Variants in ATXN2 observed in about 807,000 individuals in gnomAD.
ATXN2 encodes ataxin-2.
In ATXN2, 37 loss-of-function variants were observed where a neutral mutation model predicts 138.6. The ratio of observed to expected loss-of-function variants is 0.27; its 90% confidence interval spans 0.21 to 0.35. ATXN2 has a LOEUF of 0.35. Ranked by LOEUF, ATXN2 falls within the 10% of genes least tolerant of loss-of-function variation. ATXN2 has a pLI of 1.00. For synonymous variants in ATXN2, 549 were observed against 543.7 expected (o/e 1.01, Z -0.13); for missense variants, 1,216 against 1,480.3 (o/e 0.82, Z 2.93).
intron 15 of ATXN2, 81 bp from the exon 16 acceptor site, chr12:111,486,905 A>C: frequency 8.6e-7 from 1 of 1,167,392 alleles, no homozygotes; most frequent in Non-Finnish European, 1.2e-6. Flanking sequence ...AATTTAAAAA[A>C]AATTGCTAAA....
In ATXN2 at chr12:111,598,675, C is replaced by G. The variant is rs1198628578; in HGVS notation, c.251+109G>C. On this transcript the variant is annotated intron_variant, in intron 1 of 24. Coordinates refer to ENST00000673436, the MANE Select transcript of ATXN2 (RefSeq NM_001372574.1). This position sits in a 1 kb window ranked among gnomAD's most constrained non-coding sequence, Gnocchi z 4.5. The stretch of plus-strand genomic sequence containing the variant: ...GAGTCTCCCCCGCGCTGCCGGCCCC[C>G]AGCCCACCCCGGGTAGCCCGGCGGG... 28 of 886,600 alleles carry G rather than the reference C, an allele frequency of 3.2e-5. No individual in the cohort carries two copies. The highest frequency in any genetic ancestry group is 3.7e-5 in the Non-Finnish European group (27 of 729,946). 54.9% of individuals were successfully genotyped at this position (886,600 alleles called of 1,614,324 possible). A position where few individuals can be genotyped will look rare whatever the true frequency, so the allele number is the denominator to read the frequency against.
At chr12:111,463,063 A>C (rs1875713794) in intron 21 of ATXN2, among the ~76,000 whole-genome samples, 1 of 152,100 alleles carries the variant, frequency 6.6e-6, no homozygotes, top group African/African-American at 2.4e-5. Context: ...ATAATTAACA[A>C]AGATTTAAGG....
chr12:111,515,237 G>A (rs1192957777), intron 10 of ATXN2, among the ~76,000 whole-genome samples: 4 of 152,038 alleles, frequency 2.6e-5, no homozygotes, highest in African/African-American at 7.2e-5. Context: ...CATTTTGTGC[G>A]GAAAACTTTA....
chr12:111,559,189 G>C (rs991231846), intron 1 of ATXN2, among the ~76,000 whole-genome samples: 3 of 150,630 alleles, frequency 2.0e-5, no homozygotes, highest in African/African-American at 7.3e-5. Flanking sequence ...CTGGAGTGCA[G>C]TGGCACGATC....
chr12:111,487,498 T>C lies in ATXN2; in HGVS notation c.2241-674A>G, dbSNP rs1877722528. Among the ~76,000 whole-genome samples, 3 of 152,086 alleles carry C rather than the reference T, an allele frequency of 2.0e-5. No homozygotes were observed. In the South Asian group the frequency reaches 6.2e-4, roughly 32 times the overall value. ...ATTTTTGAGACAGAGTCTCGCTCTG[T>C]CACCCAGGCTGGAGTGCAGTGGCAT... On this transcript the variant is annotated intron_variant, in intron 15 of 24. Transcript: ENST00000673436.
At chr12:111,473,641 C>G (rs534950457) in intron 18 of ATXN2, among the ~76,000 whole-genome samples, 5 of 151,896 alleles carry the variant, frequency 3.3e-5, no homozygotes, top group African/African-American at 7.3e-5. Context: ...AATTAAGGCG[C>G]TAAAGGGACA....
intron 1 of ATXN2, among the ~76,000 whole-genome samples, chr12:111,571,140 T>C (rs1883289372): frequency 1.3e-5 from 2 of 152,226 alleles, no homozygotes; most frequent in Non-Finnish European, 2.9e-5. Flanking sequence ...TCACGAAGTA[T>C]GAAGGAGCAG....
chr12:111,520,370 C>T (rs754836609), intron 7 of ATXN2, among the ~76,000 whole-genome samples: 18 of 152,004 alleles, frequency 1.2e-4, no homozygotes, highest in Non-Finnish European at 4.4e-5. Flanking sequence ...AAGACAAAAC[C>T]GGCCAGGCAC....
intron 5 of ATXN2, among the ~76,000 whole-genome samples, chr12:111,540,603 A>ACATT (rs1881446234): frequency 6.6e-6 from 1 of 150,448 alleles, no homozygotes; most frequent in African/African-American, 2.4e-5. Context: ...ACCTTTTCAT[A>ACATT]CATTCACTGG....
intron 1 of ATXN2, among the ~76,000 whole-genome samples, chr12:111,559,178 G>A (rs1258572994): frequency 6.6e-6 from 1 of 151,076 alleles, no homozygotes; most frequent in African/African-American, 2.4e-5. Flanking sequence ...CTGTCGCCAG[G>A]CTGGAGTGCA....
At chr12:111,560,233 C>A (rs748456748) in intron 1 of ATXN2, among the ~76,000 whole-genome samples, 3 of 152,020 alleles carry the variant, frequency 2.0e-5, no homozygotes, top group Non-Finnish European at 4.4e-5. Flanking sequence ...AAAATAAATA[C>A]AATAAAAATA....
chr12:111,459,588 G>A (rs1875402191), intron 21 of ATXN2, among the ~76,000 whole-genome samples: 1 of 151,622 alleles, frequency 6.6e-6, no homozygotes, highest in Non-Finnish European at 1.5e-5. Flanking sequence ...CTATAGGCAA[G>A]CATCACCATG....
intron 10 of ATXN2, among the ~76,000 whole-genome samples, 154 bp downstream of exon 10, chr12:111,516,000 C>A (rs1879836522): frequency 1.3e-5 from 2 of 151,980 alleles, no homozygotes; most frequent in African/African-American, 2.4e-5. Flanking sequence ...CTCTAATGAA[C>A]AAAAGGTTAA....
chr12:111,561,444 G>T (rs1389560322), intron 1 of ATXN2, among the ~76,000 whole-genome samples: 1 of 152,118 alleles, frequency 6.6e-6, no homozygotes, highest in African/African-American at 2.4e-5. Flanking sequence ...AGGCTGCAGT[G>T]AGCCGAGATG....
chr12:111,589,324 CA>C lies in ATXN2; in HGVS notation c.251+9459del, dbSNP rs577352558. On this transcript the variant is annotated intron_variant, in intron 1 of 24. Transcript: ENST00000673436. ...GGTAAGATCCTGCAACACACACACACAAACAATAATAATAATTTAAAAAACC... is the reference window on the plus strand; with the variant it reads ...GGTAAGATCCTGCAACACACACACACAACAATAATAATAATTTAAAAAACC... Among the ~76,000 whole-genome samples the C allele has an allele frequency of 1.3e-3, 189 of 150,962 alleles. 1 individual carries two copies. The highest frequency in any genetic ancestry group is 2.7e-3 in the South Asian group (13 of 4,772).
intron 5 of ATXN2, among the ~76,000 whole-genome samples, chr12:111,526,814 A>T (rs1015111484): frequency 1.3e-5 from 2 of 152,220 alleles, no homozygotes; most frequent in African/African-American, 2.4e-5. Context: ...ATGTCTATGT[A>T]CAGTGGTCAA....
intron 1 of ATXN2, among the ~76,000 whole-genome samples, chr12:111,566,880 C>T (rs921526415): frequency 7.2e-5 from 11 of 152,048 alleles, no homozygotes; most frequent in African/African-American, 2.2e-4. Flanking sequence ...TCAGGTGATC[C>T]GCCCTCCTTG....
intron 14 of ATXN2, among the ~76,000 whole-genome samples, chr12:111,498,932 G>A (rs1878588436): frequency 6.6e-6 from 1 of 152,068 alleles, no homozygotes; most frequent in South Asian, 2.1e-4. Context: ...AAGAAGCCAT[G>A]AACATACACT....
At chr12:111,499,688 AC>A (rs201661707) in intron 14 of ATXN2, among the ~76,000 whole-genome samples, 9 of 151,414 alleles carry the variant, frequency 5.9e-5, no homozygotes, top group Admixed American at 2.0e-4. Context: ...ACAAAACAAA[AC>A]AAAAAAAAAA....
Sources: allele counts gnomAD v4.1 joint callset (sites outside exome capture counted in the v4.1 genomes callset), GRCh38; gene constraint gnomAD v4.1.1; non-coding constraint Gnocchi (gnomAD v3.1); transcripts MANE v1.5; gene names NCBI Gene and HGNC (gene_info 2026-07-23, HGNC 2026-07-21).